TAF3: variants seen among roughly 807,000 people sequenced by gnomAD.
The protein encoded by TAF3 is TATA-box binding protein associated factor 3.
TAF3 carries 7 observed loss-of-function variants against 80.6 expected under a neutral mutation model. The ratio of observed to expected loss-of-function variants is 0.09; its 90% CI spans 0.05 to 0.16. The LOEUF (loss-of-function observed/expected upper bound fraction) is 0.16. Ranked by LOEUF, TAF3 falls within the 10% of genes least tolerant of loss-of-function variation. The pLI, the probability that TAF3 is intolerant of heterozygous loss-of-function variation, is 1.00. For missense variants in TAF3, 921 were observed against 1,140.2 expected (o/e 0.81, Z 2.77); for synonymous variants, 444 against 446.1 (o/e 1.00, Z 0.06).
chr10:7,840,524 GAAA>G (rs35379190), intron 2 of TAF3, among the ~76,000 whole-genome samples: 1 of 128,556 alleles, frequency 7.8e-6, no homozygotes, highest in Admixed American at 7.8e-5. Flanking sequence ...CATCCAGAAT[GAAA>G]AAAAAAAAAA....
intron 2 of TAF3, among the ~76,000 whole-genome samples, chr10:7,854,054 G>A (rs1837054288): frequency 1.3e-5 from 2 of 152,206 alleles, no homozygotes; most frequent in Admixed American, 1.3e-4. Flanking sequence ...GCCCCACTCA[G>A]CCAGTTGTTA....
chr10:7,996,210 G>T (rs186283311), intron 4 of TAF3, among the ~76,000 whole-genome samples: 1 of 152,288 alleles, frequency 6.6e-6, no homozygotes, highest in African/African-American at 2.4e-5. Flanking sequence ...TGGTGACTGG[G>T]ACCATAGGCA....
rs1298984746 is a variant in TAF3 at position 7,964,576 on chromosome 10, A to G, written c.1066A>G (p.Thr356Ala). Residue 356 changes from threonine to alanine, a missense_variant, in exon 3 of 7, where the codon ACT becomes GCT. Around this residue, in one of 6 missense-constraint regions of TAF3, gnomAD observed 743 missense variants for 821.0 expected, o/e 0.90. Transcript: ENST00000344293. This position sits in a 1 kb window ranked among gnomAD's most constrained non-coding sequence, Gnocchi z 4.1. ...ACTCAGTGAAAAAATCAGTAAAGAG[A>G]CTATCCAGGTAAAACAAATACAGAC... The part of the protein sequence containing the change: ...ATLSEKISKE[T>A]IQVKQIQTPP... 5 of 1,613,956 alleles carry G rather than the reference A, an allele frequency of 3.1e-6. No individual in the cohort carries two copies. In the African/African-American group the frequency reaches 5.3e-5, roughly 17 times the overall value.
intron 2 of TAF3, among the ~76,000 whole-genome samples, chr10:7,839,441 C>T (rs1032499079): frequency 2.0e-5 from 3 of 152,166 alleles, no homozygotes; most frequent in African/African-American, 7.2e-5. Context: ...AACTTACTGA[C>T]TCCTGTTCTT....
At chr10:7,838,561 T>C (rs1305274785) in intron 2 of TAF3, among the ~76,000 whole-genome samples, 1 of 152,114 alleles carries the variant, frequency 6.6e-6, no homozygotes, top group Non-Finnish European at 1.5e-5. Context: ...TTTGTAATTT[T>C]TGTAGAGGTG....
intron 2 of TAF3, among the ~76,000 whole-genome samples, chr10:7,898,970 A>G (rs1055207707): frequency 2.6e-5 from 4 of 152,020 alleles, no homozygotes; most frequent in African/African-American, 7.2e-5. Context: ...GTGACTGGGA[A>G]TTGGCCTTTT....
intron 2 of TAF3, among the ~76,000 whole-genome samples, chr10:7,841,436 G>A (rs143171499): frequency 6.6e-6 from 1 of 152,218 alleles, no homozygotes; most frequent in East Asian, 1.9e-4. Context: ...ATTATAATTT[G>A]GGATTCTTAA....
chr10:7,947,811 A>G (rs1038992706), intron 2 of TAF3, among the ~76,000 whole-genome samples: 2 of 152,136 alleles, frequency 1.3e-5, no homozygotes, highest in African/African-American at 4.8e-5. Flanking sequence ...GAGCAGGGAA[A>G]TGATCTGATT....
intron 2 of TAF3, among the ~76,000 whole-genome samples, chr10:7,882,226 C>G (rs778183827): frequency 5.9e-5 from 9 of 152,090 alleles, no homozygotes; most frequent in Non-Finnish European, 1.2e-4. Flanking sequence ...TATTGGAGAC[C>G]GTCAAGCATC....
At position 7,942,083 on chromosome 10, in the gene TAF3, G is replaced by A. The variant is rs76283038; in HGVS notation, c.410-21837G>A. 2.6e-5 allele frequency among the ~76,000 whole-genome samples: 4 copies of A among 152,244 alleles called. No homozygotes were observed. The East Asian group carries it at 7.7e-4, about 29-fold the overall frequency. ...TGCCTCCACTTCAGTTATATCTCAAGAGGTGACAAGTTGACATTTTTATTA... is the reference window on the plus strand; with the variant it reads ...TGCCTCCACTTCAGTTATATCTCAAAAGGTGACAAGTTGACATTTTTATTA... On this transcript the variant is annotated intron_variant, in intron 2 of 6. Transcript: ENST00000344293.
chr10:7,926,962 G>A (rs1330949260), intron 2 of TAF3, among the ~76,000 whole-genome samples: 2 of 152,120 alleles, frequency 1.3e-5, no homozygotes, highest in African/African-American at 2.4e-5. Flanking sequence ...TATTCTAGGG[G>A]TTGAGAATCC....
chr10:8,005,965 C>T (rs1035363213), intron 4 of TAF3, among the ~76,000 whole-genome samples: 2 of 152,112 alleles, frequency 1.3e-5, no homozygotes, highest in Non-Finnish European at 1.5e-5. Flanking sequence ...ATGCAAGATA[C>T]GTAATCTCTC....
chr10:7,830,286 C>G (rs932106220), intron 2 of TAF3, among the ~76,000 whole-genome samples: 7 of 151,916 alleles, frequency 4.6e-5, no homozygotes, highest in Admixed American at 2.6e-4. Context: ...TACCAGCTAT[C>G]TCAGAATAGC....
At chr10:7,960,344 G>A (rs939095500) in intron 2 of TAF3, among the ~76,000 whole-genome samples, 1 of 152,142 alleles carries the variant, frequency 6.6e-6, no homozygotes, top group Non-Finnish European at 1.5e-5. Context: ...AGCTGAATGT[G>A]GTAGGTCTAG....
intron 2 of TAF3, among the ~76,000 whole-genome samples, chr10:7,829,311 AT>A (rs1222795590): frequency 1.4e-4 from 22 of 152,286 alleles, no homozygotes; most frequent in African/African-American, 5.3e-4. Context: ...TTAATGAACA[AT>A]ATTGACATGT....
intron 2 of TAF3, among the ~76,000 whole-genome samples, chr10:7,828,091 T>A (rs1392408971): frequency 6.6e-6 from 1 of 152,244 alleles, no homozygotes; most frequent in Non-Finnish European, 1.5e-5. Flanking sequence ...GGTGTCAAGC[T>A]GCATTCAGTG....
At chr10:7,827,442 T>C (rs986665522) in intron 2 of TAF3, among the ~76,000 whole-genome samples, 1 of 151,496 alleles carries the variant, frequency 6.6e-6, no homozygotes, top group Non-Finnish European at 1.5e-5. Flanking sequence ...AGCCCAGGAG[T>C]TTGATACCAG....
chr10:7,843,887 A>G (rs918493904), intron 2 of TAF3, among the ~76,000 whole-genome samples: 4 of 152,106 alleles, frequency 2.6e-5, no homozygotes, highest in African/African-American at 9.7e-5. Flanking sequence ...GTGGACTTCA[A>G]ATTTTGCAGT....
chr10:7,968,879 A>G lies in TAF3; in HGVS notation c.2232+3137A>G, dbSNP rs185134582. Among the ~76,000 whole-genome samples, 7 of 152,328 alleles carry G rather than the reference A, an allele frequency of 4.6e-5. No individual in the cohort carries two copies. The East Asian group carries it at 1.2e-3, about 25-fold the overall frequency. ...CATAAGAAGTTCAAATTGTTTTTCTATTAGTGATGATAAATCCAGAGAGTG... is the reference window on the plus strand; with the variant it reads ...CATAAGAAGTTCAAATTGTTTTTCTGTTAGTGATGATAAATCCAGAGAGTG... On this transcript the variant is annotated intron_variant, in intron 3 of 6. Coordinates refer to ENST00000344293, the MANE Select transcript of TAF3 (RefSeq NM_031923.4).
Sources: gnomAD v4.1 joint callset for allele counts (sites outside exome capture counted in the v4.1 genomes callset) on GRCh38, gnomAD v4.1.1 for gene constraint, gnomAD v4.1.1 regional missense constraint, Gnocchi (gnomAD v3.1) non-coding constraint, MANE v1.5 for transcripts, NCBI Gene and HGNC (gene_info 2026-07-23, HGNC 2026-07-21) for gene names.